Variants in TRIM14 observed in about 807,000 individuals in gnomAD.
The protein encoded by TRIM14 is tripartite motif-containing protein 14.
Under a neutral mutation model 44.5 loss-of-function variants are expected in TRIM14, and 28 were observed. The ratio of observed to expected loss-of-function variants is 0.63; its 90% CI spans 0.47 to 0.86. TRIM14 has a LOEUF of 0.86. TRIM14 is among the 40% of genes least tolerant of loss of function. TRIM14 has a pLI of 0.00. For missense variants in TRIM14, 607 were observed against 611.1 expected, an observed-to-expected ratio of 0.99 and a Z score of 0.07; for synonymous variants, 299 against 269.2, an observed-to-expected ratio of 1.11 and a Z score of -1.08.
At chr9:98,074,093 A>T (rs1829473138) in intron 6 of TRIM14, among the ~76,000 whole-genome samples, 1 of 152,274 alleles carries the variant, frequency 6.6e-6, no homozygotes, top group South Asian at 2.1e-4. Context: ...GCCAGAATTA[A>T]TAAAGTTCTG....
In TRIM14 at chr9:98,095,014, C is replaced by T. The variant is rs766884497; in HGVS notation, c.553G>A (p.Glu185Lys). The change falls in exon 4 of 6, where the codon GAG becomes AAG. Residue 185 changes from glutamate to lysine, a missense_variant. Around this residue, in one of 3 missense-constraint regions of TRIM14, gnomAD observed 246 missense variants for 270.8 expected, o/e 0.91. Transcript: ENST00000341469. The surrounding 1 kb of genome is among the most constrained non-coding windows in gnomAD (Gnocchi z 4.1). ...CTCATCTGCTGCTGCATCTCCTGCT[C>T]GGTGGCCGTGTATGCCTGTGTGGGC... Reference protein sequence around the residue: ...VQRLQAYTATEQEMQQQMSLG... With the variant: ...VQRLQAYTATKQEMQQQMSLG... 7.4e-6 allele frequency: 12 copies of T among 1,613,446 alleles called. No homozygotes were observed. Among genetic ancestry groups the T allele is most frequent in the East Asian group, 4.5e-5 (2 of 44,876 alleles).
At chr9:98,098,440 G>A (rs1036333229) in intron 3 of TRIM14, among the ~76,000 whole-genome samples, 2 of 151,964 alleles carry the variant, frequency 1.3e-5, no homozygotes, top group Non-Finnish European at 2.9e-5. Context: ...GGCCGGGTGC[G>A]GTGGCTCACG....
rs1356100117 is a variant in TRIM14 at position 98,087,698 on chromosome 9, G to A, written c.1101C>T (p.Tyr367=). The change falls in exon 6 of 6, where the codon TAC becomes TAT. Residue 367 remains tyrosine (Y), a synonymous_variant. Transcript: ENST00000341469. ...CGTGGAAGGCCCAGTACTCAAGGTC[G>A]TAGCGCTTGAGGCACCAGGACTGGC... ...CNRQSWCLKR[Y]DLEYWAFHDG... 4.4e-6 allele frequency: 7 copies of A among 1,599,468 alleles called. No individual in the cohort carries two copies. The highest frequency in any genetic ancestry group is 5.9e-6 in the Non-Finnish European group (7 of 1,178,394).
At position 98,087,897 on chromosome 9, in the gene TRIM14, G is replaced by C. The variant is rs1000371035; in HGVS notation, c.902C>G (p.Pro301Arg). 6.4e-7 allele frequency: 1 copy of C among 1,569,990 alleles called. No homozygotes were observed. The highest frequency in any genetic ancestry group is 1.4e-5 in the African/African-American group (1 of 71,238). The change falls in exon 6 of 6, where the codon CCC (proline) becomes CGC (arginine). Residue 301 changes from proline (P) to arginine (R), a missense_variant. Around this residue, in one of 3 missense-constraint regions of TRIM14, gnomAD observed 356 missense variants for 323.0 expected, o/e 1.10. Coordinates refer to ENST00000341469, the MANE Select transcript of TRIM14 (RefSeq NM_014788.4). ...CGLLGSLGPV[P>R]VLRFDALWQV... ...CCAGAGCGCGTCGAACCGCAGCACG[G>C]GCACGGGCCCCAGGCTGCCCAGCAG...
At chr9:98,107,419 A>G (rs1170229856) in intron 2 of TRIM14, among the ~76,000 whole-genome samples, 2 of 152,204 alleles carry the variant, frequency 1.3e-5, no homozygotes, top group Non-Finnish European at 2.9e-5. Context: ...AAAAACCTCT[A>G]TGGTACATGC....
chr9:98,087,277 T>C lies in TRIM14; in HGVS notation c.*193A>G. The C allele has an allele frequency of 1.1e-6, 1 of 897,428 alleles. No homozygotes were observed. The highest frequency in any genetic ancestry group is 1.9e-6 in the Non-Finnish European group (1 of 525,816). 55.6% of individuals were successfully genotyped at this position (897,428 alleles called of 1,614,324 possible). A position where few individuals can be genotyped will look rare whatever the true frequency, so the allele number is the denominator to read the frequency against. On this transcript the variant is annotated 3_prime_UTR_variant, in exon 6 of 6. Transcript: ENST00000341469. Reference sequence around the variant, plus strand: ...ATGAGAGGGCAGCAGCAGACTTGTTTAGGGCCTGTTTGAAACTAGCCTAGG... The same window carrying C: ...ATGAGAGGGCAGCAGCAGACTTGTTCAGGGCCTGTTTGAAACTAGCCTAGG...
the TRIM14 span, among the ~76,000 whole-genome samples, chr9:98,049,338 C>CAAAAAAAAAAA: frequency 2.6e-5 from 1 of 38,558 alleles, no homozygotes; most frequent in Non-Finnish European, 4.0e-5. Context: ...TGAGACTCTG[C>CAAAAAAAAAAA]ATAAAAAAAA....
chr9:98,065,142 G>T (rs1484288184), downstream of TRIM14, among the ~76,000 whole-genome samples: 1 of 152,070 alleles, frequency 6.6e-6, no homozygotes, highest in Non-Finnish European at 1.5e-5. Context: ...GAACCAAAGG[G>T]ACATTATTGT....
Position 98,087,232 on chromosome 9 carries a change from G to A in TRIM14, c.*238C>T. 1 of 780,528 alleles carries A rather than the reference G, an allele frequency of 1.3e-6. No homozygotes were observed. Among genetic ancestry groups the A allele is most frequent in the Admixed American group, 1.7e-5 (1 of 58,660 alleles). 48.4% of individuals were successfully genotyped at this position (780,528 alleles called of 1,614,324 possible). On this transcript the variant is annotated 3_prime_UTR_variant, in exon 6 of 6. Coordinates refer to ENST00000341469, the MANE Select transcript of TRIM14 (RefSeq NM_014788.4). ...ATTAAAGTAGTGTAAGTGATGGTGG[G>A]GTGAGGGTGCGGAGGTCTGATGAGA...
the TRIM14 span, among the ~76,000 whole-genome samples, chr9:98,042,597 C>T: frequency 1.3e-5 from 2 of 152,234 alleles, no homozygotes; most frequent in East Asian, 1.9e-4. Context: ...TTAGGCTGGG[C>T]GCAATGGCTC....
At chr9:98,115,063 G>C (rs1398338889) in intron 1 of TRIM14, among the ~76,000 whole-genome samples, 1 of 151,712 alleles carries the variant, frequency 6.6e-6, no homozygotes, top group Admixed American at 6.6e-5. Context: ...CAAACTATTT[G>C]TGTTTACTTT....
chr9:98,063,174 C>T, the TRIM14 span, among the ~76,000 whole-genome samples: 5 of 151,694 alleles, frequency 3.3e-5, no homozygotes, highest in Admixed American at 3.3e-4. Context: ...CCCATCCGCC[C>T]GCCCCAGCCT....
chr9:98,091,533 T>C (rs527738120), intron 5 of TRIM14, among the ~76,000 whole-genome samples: 52 of 152,186 alleles, frequency 3.4e-4, no homozygotes, highest in Middle Eastern at 6.8e-3. Flanking sequence ...AATATATCAG[T>C]AAATGAAAAC....
At chr9:98,040,666 T>C in the TRIM14 span, among the ~76,000 whole-genome samples, 2 of 150,568 alleles carry the variant, frequency 1.3e-5, no homozygotes. Flanking sequence ...TTTCTTTTCT[T>C]TTTTTTTTTG....
intron 2 of TRIM14, among the ~76,000 whole-genome samples, chr9:98,108,872 G>C (rs909878923): frequency 2.8e-5 from 4 of 144,624 alleles, no homozygotes; most frequent in Admixed American, 2.0e-4. Context: ...GAATCAGTCA[G>C]GGGTTCCTTT....
the TRIM14 span, chr9:98,060,846 C>G: frequency 1.9e-6 from 3 of 1,614,142 alleles, no homozygotes; most frequent in Non-Finnish European, 2.5e-6. Context: ...AATCGGAAAG[C>G]CTTGGAGAGG....
chr9:98,106,883 T>C (rs1409020830), intron 2 of TRIM14, among the ~76,000 whole-genome samples: 2 of 151,114 alleles, frequency 1.3e-5, no homozygotes, highest in African/African-American at 4.9e-5. Context: ...TGGAGTGTAG[T>C]GGGTATGGTC....
chr9:98,089,039 C>T lies in TRIM14; in HGVS notation c.794-1034G>A, dbSNP rs1171998429. On this transcript the variant is annotated intron_variant, in intron 5 of 5. Coordinates refer to ENST00000341469, the MANE Select transcript of TRIM14 (RefSeq NM_014788.4). ...ATTGTTTCCGTGTTGCCTATTGTGA[C>T]TAATGTTGCTATAACTGTAAACGTG... Among the ~76,000 whole-genome samples the T allele has an allele frequency of 2.0e-5, 3 of 152,224 alleles. No homozygotes were observed. In the East Asian group the frequency reaches 5.8e-4, roughly 29 times the overall value.
Position 98,087,482 on chromosome 9 carries a change from G to T in TRIM14, c.1317C>A (p.Pro439=). ...CCGGTCCTGGCCCCTAGGGCAGCCGGGGGATGCTGATGGCCCCCTCCCAGA... is the reference window on the plus strand; with the variant it reads ...CCGGTCCTGGCCCCTAGGGCAGCCGTGGGATGCTGATGGCCCCCTCCCAGA... The part of the protein sequence containing the change: ...LRLWEGAISI[P]RLP The change falls in exon 6 of 6, where the codon CCC becomes CCA. Residue 439 remains proline (P), a synonymous_variant. Transcript: ENST00000341469. 6.2e-7 allele frequency: 1 copy of T among 1,603,516 alleles called. No homozygotes were observed. The highest frequency in any genetic ancestry group is 8.5e-7 in the Non-Finnish European group (1 of 1,174,470).
Sources: gnomAD v4.1 joint callset for allele counts (sites outside exome capture counted in the v4.1 genomes callset) on GRCh38, gnomAD v4.1.1 for gene constraint, gnomAD v4.1.1 regional missense constraint, Gnocchi (gnomAD v3.1) non-coding constraint, MANE v1.5 for transcripts, NCBI Gene and HGNC (gene_info 2026-07-23, HGNC 2026-07-21) for gene names.